The following GRM5 variants were observed in gnomAD, a reference collection of about 807,000 sequenced individuals.
The protein encoded by GRM5 is glutamate metabotropic receptor 5, also known as metabotropic glutamate receptor 5.
GRM5 carries 19 observed loss-of-function variants against 83.1 expected under a neutral mutation model. The observed-to-expected ratio is 0.23, with a 90% CI of 0.16 to 0.34. The LOEUF (loss-of-function observed/expected upper bound fraction) is 0.34, where lower values mean the gene tolerates loss of function less well. Ranked by LOEUF, GRM5 falls within the 10% of genes least tolerant of loss-of-function variation. The probability of loss-of-function intolerance (pLI) is 1.00; values close to 1 mark genes in which losing one functional copy is unlikely to be tolerated. For missense variants in GRM5, 1,160 were observed against 1,588.3 expected (o/e 0.73, Z 4.58); for synonymous variants, 675 against 633.6 (o/e 1.07, Z -0.98).
intron 3 of GRM5, among the ~76,000 whole-genome samples, chr11:88,689,555 T>G (rs1406072012): frequency 1.3e-5 from 2 of 152,226 alleles, no homozygotes; most frequent in Non-Finnish European, 2.9e-5. Flanking sequence ...GCAGATAAAC[T>G]GGCTAATTTT....
chr11:88,938,811 C>T (rs982456048), intron 2 of GRM5, among the ~76,000 whole-genome samples: 1 of 151,562 alleles, frequency 6.6e-6, no homozygotes, highest in Non-Finnish European at 1.5e-5. Flanking sequence ...ATATCAGCAC[C>T]AAATTTAGAA....
chr11:88,995,524 A>G (rs964912372), intron 2 of GRM5, among the ~76,000 whole-genome samples: 1 of 147,424 alleles, frequency 6.8e-6, no homozygotes, highest in Non-Finnish European at 1.5e-5. Flanking sequence ...CAGCCTGGCA[A>G]CAAGAGCGAG....
intron 2 of GRM5, among the ~76,000 whole-genome samples, chr11:88,988,222 T>A (rs1457912859): frequency 6.6e-6 from 1 of 151,974 alleles, no homozygotes; most frequent in Non-Finnish European, 1.5e-5. Context: ...TGCAGAAGCC[T>A]CAGTAGCCGA....
intron 2 of GRM5, among the ~76,000 whole-genome samples, chr11:89,041,106 G>T (rs1565347943): frequency 6.6e-6 from 1 of 152,194 alleles, no homozygotes; most frequent in Non-Finnish European, 1.5e-5. Context: ...TCTGGAATAA[G>T]AGTGACCAAG....
intron 2 of GRM5, among the ~76,000 whole-genome samples, chr11:89,022,249 C>G (rs1941002319): frequency 6.6e-6 from 1 of 152,114 alleles, no homozygotes; most frequent in African/African-American, 2.4e-5. Context: ...GTAACTTCAA[C>G]TATTTTGATA....
intron 2 of GRM5, among the ~76,000 whole-genome samples, chr11:88,968,846 T>C (rs1397992258): frequency 1.3e-5 from 2 of 152,158 alleles, no homozygotes; most frequent in African/African-American, 4.8e-5. Flanking sequence ...AAGAGTCAGA[T>C]AATCAAAGGG....
intron 7 of GRM5, among the ~76,000 whole-genome samples, chr11:88,573,423 C>T (rs2135181676): frequency 6.6e-6 from 1 of 152,168 alleles, no homozygotes; most frequent in African/African-American, 2.4e-5. Flanking sequence ...TTTTTCAAAC[C>T]CTGTTCCAAG....
rs1159661695 is a variant in GRM5 at position 88,550,116 on chromosome 11, TAGA to T, written c.2630+16934_2630+16936del. ...TTACAGCTTTTATCCAGAGAAGAAA[TAGA>T]AGAAGAAGAAGAAACTTCAATCAAG... On this transcript the variant is annotated intron_variant, in intron 8 of 9. Coordinates refer to ENST00000305447, the MANE Select transcript of GRM5 (RefSeq NM_001143831.3). 1.1e-4 allele frequency among the ~76,000 whole-genome samples: 16 copies of T among 152,006 alleles called. No homozygotes were observed. The East Asian group carries it at 2.7e-3, about 26-fold the overall frequency.
intron 2 of GRM5, among the ~76,000 whole-genome samples, chr11:88,961,029 A>C (rs950489899): frequency 6.6e-6 from 1 of 152,220 alleles, no homozygotes; most frequent in Non-Finnish European, 1.5e-5. Flanking sequence ...TTTCAATCCA[A>C]TGGTGTTCAA....
chr11:88,797,159 G>T (rs1461238277), intron 3 of GRM5, among the ~76,000 whole-genome samples: 1 of 151,666 alleles, frequency 6.6e-6, no homozygotes, highest in Non-Finnish European at 1.5e-5. Context: ...TTTTGTTTTT[G>T]TTTTTTTAGA....
chr11:88,788,504 A>C (rs1426230284), intron 3 of GRM5, among the ~76,000 whole-genome samples: 1 of 152,184 alleles, frequency 6.6e-6, no homozygotes, highest in Non-Finnish European at 1.5e-5. Flanking sequence ...CCATTTACCA[A>C]AAGTATTGAA....
At chr11:88,600,361 T>C (rs1031963767) in intron 5 of GRM5, among the ~76,000 whole-genome samples, 1 of 142,280 alleles carries the variant, frequency 7.0e-6, no homozygotes, top group Non-Finnish European at 1.5e-5. Context: ...CACCTCTTGG[T>C]TTCTATATTT....
At position 88,527,872 on chromosome 11, in the gene GRM5, G is replaced by C. The variant is rs543823607; in HGVS notation, c.2631-2468C>G. On this transcript the variant is annotated intron_variant, in intron 8 of 9. Coordinates refer to ENST00000305447, the MANE Select transcript of GRM5 (RefSeq NM_001143831.3). ...GTACTTCATGTTTTCATTTATCAAT[G>C]GGAGCTTAACACTGAGTACGCATGG... Among the ~76,000 whole-genome samples, 270 of 152,164 alleles carry C rather than the reference G, an allele frequency of 1.8e-3. 2 individuals carry two copies. The highest frequency in any genetic ancestry group is 5.8e-4 in the East Asian group (3 of 5,190).
intron 2 of GRM5, among the ~76,000 whole-genome samples, chr11:88,886,863 T>C (rs1479928884): frequency 6.6e-6 from 1 of 152,172 alleles, no homozygotes; most frequent in Non-Finnish European, 1.5e-5. Context: ...AATGTCATAG[T>C]AACCAGCGAT....
At chr11:88,741,336 C>T (rs1942024228) in intron 3 of GRM5, among the ~76,000 whole-genome samples, 1 of 151,992 alleles carries the variant, frequency 6.6e-6, no homozygotes. Context: ...AGGGCACCTG[C>T]TTCGGTAGGT....
chr11:88,914,856 G>A (rs1166564372), intron 2 of GRM5, among the ~76,000 whole-genome samples: 1 of 152,038 alleles, frequency 6.6e-6, no homozygotes, highest in Non-Finnish European at 1.5e-5. Flanking sequence ...TGGGGACTAT[G>A]AAAGAAATTA....
chr11:88,593,598 A>AT, intron 6 of GRM5, among the ~76,000 whole-genome samples: 1 of 151,326 alleles, frequency 6.6e-6, no homozygotes, highest in Non-Finnish European at 1.5e-5. Context: ...GAATCACCTG[A>AT]ACCCGGGAGG....
At chr11:88,874,951 A>C (rs1001572470) in intron 2 of GRM5, among the ~76,000 whole-genome samples, 1 of 151,998 alleles carries the variant, frequency 6.6e-6, no homozygotes, top group South Asian at 2.1e-4. Flanking sequence ...GCAAGGCATA[A>C]TGTTTTTGCT....
At chr11:88,988,381 T>C (rs953735520) in intron 2 of GRM5, among the ~76,000 whole-genome samples, 33 of 151,500 alleles carry the variant, frequency 2.2e-4, no homozygotes, top group African/African-American at 7.7e-4. Context: ...AATCTACGTC[T>C]GATTGGTGTA....
Sources: allele counts gnomAD v4.1 joint callset (sites outside exome capture counted in the v4.1 genomes callset), GRCh38; gene constraint gnomAD v4.1.1; transcripts MANE v1.5; gene names NCBI Gene and HGNC (gene_info 2026-07-23, HGNC 2026-07-21).